The following NFE2L2 variants were observed in gnomAD, a reference collection of about 807,000 sequenced individuals.
The protein encoded by NFE2L2 is NFE2 like bZIP transcription factor 2.
In NFE2L2, 20 loss-of-function variants were observed where a neutral mutation model predicts 49.6. That is an observed-to-expected ratio of 0.40 (90% CI 0.28 to 0.59). The LOEUF is 0.59. NFE2L2 is among the 20% of genes least tolerant of loss of function. The pLI, the probability that NFE2L2 is intolerant of heterozygous loss-of-function variation, is 0.40. For missense variants in NFE2L2, 578 were observed against 714.2 expected, an observed-to-expected ratio of 0.81 and a Z score of 2.17; for synonymous variants, 244 against 256.5, an observed-to-expected ratio of 0.95 and a Z score of 0.47.
intron 1 of NFE2L2, among the ~76,000 whole-genome samples, chr2:177,236,507 C>T (rs2364717): frequency 0.52 from 78,492 of 152,060 alleles, 20,868 homozygotes; most frequent in South Asian, 0.74. Flanking sequence ...AAGTACTTTA[C>T]ATATAGAAAC....
intron 3 of NFE2L2, 102 bp from the exon 4 acceptor site, chr2:177,232,685 T>A: frequency 8.6e-7 from 1 of 1,157,492 alleles, no homozygotes; most frequent in Non-Finnish European, 1.2e-6. Context: ...TGCAGTTCTG[T>A]GTCTCTCTAC....
At chr2:177,233,969 C>G (rs1260306024) in intron 2 of NFE2L2, 36 bp downstream of exon 2, 1 of 1,609,928 alleles carries the variant, frequency 6.2e-7, no homozygotes, top group Admixed American at 1.7e-5. Flanking sequence ...TTCCTTAAAC[C>G]TGCCATAACT....
chr2:177,245,002 CAAAAAAA>C (rs56326022), intron 1 of NFE2L2, among the ~76,000 whole-genome samples: 3 of 49,048 alleles, frequency 6.1e-5, no homozygotes, highest in Admixed American at 2.6e-4. Context: ...GACTCTGTCT[CAAAAAAA>C]AAAAAAAAAA....
chr2:177,247,684 C>CAAAAAAA (rs57701650), intron 1 of NFE2L2, among the ~76,000 whole-genome samples: 16 of 56,110 alleles, frequency 2.9e-4, no homozygotes, highest in Admixed American at 8.1e-4. Flanking sequence ...CCCCACCCCG[C>CAAAAAAA]AAAAAAAAAA....
In NFE2L2 at chr2:177,233,248, A is replaced by G. The variant is rs1423872069; in HGVS notation, c.402+2T>C. On this transcript the variant is annotated splice_donor_variant, in intron 3 of 4. Coordinates refer to ENST00000397062, the MANE Select transcript of NFE2L2 (RefSeq NM_006164.5). LOFTEE classifies it high-confidence loss of function. ...TATTAACCAGGTTATTTTATACCTC[A>G]CCTCATTGTCATCTACAAACGGGAA... 1 of 1,583,808 alleles carries G rather than the reference A, an allele frequency of 6.3e-7. No individual in the cohort carries two copies. Among genetic ancestry groups the G allele is most frequent in the Admixed American group, 2.0e-5 (1 of 50,482 alleles).
At chr2:177,249,176 G>A (rs921885818) in intron 1 of NFE2L2, among the ~76,000 whole-genome samples, 9 of 151,908 alleles carry the variant, frequency 5.9e-5, no homozygotes, top group Admixed American at 5.9e-4. Context: ...CCATGTTTCT[G>A]CCACTATACT....
intron 1 of NFE2L2, among the ~76,000 whole-genome samples, chr2:177,256,518 AAAG>A (rs1264342901): frequency 6.6e-6 from 1 of 151,586 alleles, no homozygotes; most frequent in Admixed American, 6.6e-5. Flanking sequence ...AAAAAAAAAA[AAAG>A]GAAAGGACAT....
chr2:177,239,845 T>C (rs1478477707), intron 1 of NFE2L2, among the ~76,000 whole-genome samples: 3 of 152,076 alleles, frequency 2.0e-5, no homozygotes, highest in African/African-American at 7.2e-5. Flanking sequence ...TTTATTGTTA[T>C]GGCCTTAATG....
rs1373712484 is a variant in NFE2L2 at position 177,234,014 on chromosome 2, G to A, written c.303C>T (p.Asn101=). ...HIQSETSGSA[N]YSQVAHIPKS... Reference sequence around the variant, plus strand: ...ACTGAGTACTCTGTACCTGGGAGTAGTTGGCAGATCCACTGGTTTCTGACT... The same window carrying A: ...ACTGAGTACTCTGTACCTGGGAGTAATTGGCAGATCCACTGGTTTCTGACT... The change falls in exon 2 of 5, where the codon AAC becomes AAT. Residue 101 remains asparagine, a synonymous_variant. Transcript: ENST00000397062. 6.2e-7 allele frequency: 1 copy of A among 1,614,200 alleles called. No individual in the cohort carries two copies. The highest frequency in any genetic ancestry group is 1.3e-5 in the African/African-American group (1 of 75,052).
chr2:177,231,666 G>A lies in NFE2L2; in HGVS notation c.937C>T (p.Leu313=). Residue 313 remains leucine (L), a synonymous_variant, in exon 5 of 5, where the codon CTA becomes TTA. Coordinates refer to ENST00000397062, the MANE Select transcript of NFE2L2 (RefSeq NM_006164.5). Reference sequence around the variant, plus strand: ...TCAGAAACATCAATGGGCCCATTTAGAAGTTCAGAGAGTGAATGGCTTAAA... The same window carrying A: ...TCAGAAACATCAATGGGCCCATTTAAAAGTTCAGAGAGTGAATGGCTTAAA... ...ATLSHSLSEL[L]NGPIDVSDLS... 6.2e-7 allele frequency: 1 copy of A among 1,614,186 alleles called. No homozygotes were observed. Among genetic ancestry groups the A allele is most frequent in the South Asian group, 1.1e-5 (1 of 91,090 alleles).
At chr2:177,263,679 G>C in intron 1 of NFE2L2, 1 of 985,492 alleles carries the variant, frequency 1.0e-6, no homozygotes. Flanking sequence ...GTCCGAACTA[G>C]AAGCCCCGGG....
Position 177,231,829 on chromosome 2 carries a change from G to A in NFE2L2, c.774C>T (p.Leu258=), listed in dbSNP as rs2105453966. The change falls in exon 5 of 5, where the codon CTC becomes CTT. Residue 258 remains leucine (L), a synonymous_variant. Coordinates refer to ENST00000397062, the MANE Select transcript of NFE2L2 (RefSeq NM_006164.5). ...NAFEDSFSSI[L]STEDPNQLTV... The stretch of plus-strand genomic sequence containing the variant: ...TCAACTGGTTGGGGTCTTCTGTGGA[G>A]AGGATGCTGCTGAAGGAATCCTCAA... The A allele has an allele frequency of 1.9e-6, 3 of 1,614,212 alleles. No individual in the cohort carries two copies. The highest frequency in any genetic ancestry group is 2.5e-6 in the Non-Finnish European group (3 of 1,180,030).
chr2:177,264,487 C>T, intron 1 of NFE2L2, 45 bp downstream of exon 1: 1 of 1,513,486 alleles, frequency 6.6e-7, no homozygotes, highest in Non-Finnish European at 8.9e-7. Flanking sequence ...GCTCCCCCGC[C>T]CCCGTCCCGG....
At chr2:177,245,939 G>T (rs1297964361) in intron 1 of NFE2L2, among the ~76,000 whole-genome samples, 1 of 152,106 alleles carries the variant, frequency 6.6e-6, no homozygotes, top group Non-Finnish European at 1.5e-5. Context: ...TGAACACGTT[G>T]AGGCTTCGGG....
At chr2:177,233,095 C>T in intron 3 of NFE2L2, 155 bp downstream of exon 3, 5 of 628,276 alleles carry the variant, frequency 8.0e-6, no homozygotes, top group South Asian at 2.2e-5. Flanking sequence ...GCTAAGGTTT[C>T]CTTGACAAGA....
At chr2:177,255,756 T>A (rs1331484251) in intron 1 of NFE2L2, among the ~76,000 whole-genome samples, 1 of 152,032 alleles carries the variant, frequency 6.6e-6, no homozygotes, top group Non-Finnish European at 1.5e-5. Context: ...AGACAGTGTC[T>A]CAATATGTTG....
At chr2:177,247,867 G>A (rs569914729) in intron 1 of NFE2L2, among the ~76,000 whole-genome samples, 25 of 152,192 alleles carry the variant, frequency 1.6e-4, no homozygotes, top group African/African-American at 4.1e-4. Flanking sequence ...TGGGGTACCC[G>A]CAGATAAGAC....
At position 177,232,618 on chromosome 2, in the gene NFE2L2, C is replaced by T. The variant is rs200643669; in HGVS notation, c.403-35G>A. The T allele has an allele frequency of 1.9e-6, 3 of 1,600,836 alleles. No individual in the cohort carries two copies. The African/African-American group carries it at 4.0e-5, about 21-fold the overall frequency. On this transcript the variant is annotated intron_variant, in intron 3 of 4. Coordinates refer to ENST00000397062, the MANE Select transcript of NFE2L2 (RefSeq NM_006164.5). Reference sequence around the variant, plus strand: ...ATAAGGCATTGATTTATGAGTCTTCCACCAACAGGGGATGAGTAAGCTCTA... The same window carrying T: ...ATAAGGCATTGATTTATGAGTCTTCTACCAACAGGGGATGAGTAAGCTCTA...
intron 1 of NFE2L2, among the ~76,000 whole-genome samples, chr2:177,254,626 G>GC (rs1690453712): frequency 6.6e-6 from 1 of 152,124 alleles, no homozygotes; most frequent in Non-Finnish European, 1.5e-5. Flanking sequence ...CGTCAACAGC[G>GC]CCCCCACTGG....
Sources: gnomAD v4.1 joint callset for allele counts (sites outside exome capture counted in the v4.1 genomes callset) on GRCh38, gnomAD v4.1.1 for gene constraint, MANE v1.5 for transcripts, NCBI Gene and HGNC (gene_info 2026-07-23, HGNC 2026-07-21) for gene names.